NRAS: variants seen among roughly 807,000 people sequenced by gnomAD.
The protein encoded by NRAS is GTPase NRas.
NRAS carries 6 observed loss-of-function variants against 21.3 expected under a neutral mutation model. That is an observed-to-expected ratio of 0.28 (90% CI 0.15 to 0.56). The LOEUF (loss-of-function observed/expected upper bound fraction) is 0.56, where lower values mean the gene tolerates loss of function less well. Among genes scored for constraint, NRAS ranks in the 20% least tolerant of loss-of-function variants. The pLI is 0.93. For synonymous variants in NRAS, 84 were observed against 82.0 expected, an observed-to-expected ratio of 1.02 and a Z score of -0.13; for missense variants, 143 against 231.3, an observed-to-expected ratio of 0.62 and a Z score of 2.48.
In NRAS at chr1:114,704,939, C is replaced by T. The variant is rs1343095410; in HGVS notation, c.*3155G>A. The T allele has an allele frequency of 6.6e-6, 1 of 152,206 alleles. No individual in the cohort carries two copies. Among genetic ancestry groups the T allele is most frequent in the African/African-American group, 2.4e-5 (1 of 41,456 alleles). 9.4% of individuals were successfully genotyped at this position (152,206 alleles called of 1,614,324 possible). A position where few individuals can be genotyped will look rare whatever the true frequency, so the allele number is the denominator to read the frequency against. On this transcript the variant is annotated 3_prime_UTR_variant, in exon 7 of 7. Transcript: ENST00000369535. ...AAATAATGTACAAGAATTATAGTCC[C>T]TTGTTTATAGAAACCATCCAAATAA... is the stretch of plus-strand genomic sequence containing the variant.
intron 5 of NRAS, 53 bp downstream of exon 5, chr1:114,708,478 G>A: frequency 4.5e-6 from 7 of 1,553,518 alleles, no homozygotes; most frequent in Non-Finnish European, 6.2e-6. Flanking sequence ...CCTCCAAATT[G>A]CCCAATACTA....
At chr1:114,714,003 CAGGGAGGGAGGG>C in intron 2 of NRAS, 25 bp from the exon 3 acceptor site, 1 of 1,171,614 alleles carries the variant, frequency 8.5e-7, no homozygotes, top group Non-Finnish European at 1.2e-6. Flanking sequence ...GGTAAGGGGG[CAGGGAGGGAGGG>C]AAGTTCAATT....
At chr1:114,714,733 G>C (rs1483713465) in intron 2 of NRAS, among the ~76,000 whole-genome samples, 1 of 151,916 alleles carries the variant, frequency 6.6e-6, no homozygotes, top group Non-Finnish European at 1.5e-5. Context: ...AAAGCACTGG[G>C]CTGTAGACAT....
chr1:114,714,464 TTTTTATCATGACAGATGTACC>T (rs1238258786), intron 2 of NRAS, among the ~76,000 whole-genome samples: 2 of 152,248 alleles, frequency 1.3e-5, no homozygotes, highest in East Asian at 3.8e-4. Flanking sequence ...GAAGGTTTTT[TTTTTATCATGACAGATGTACC>T]TTTGGGAAAT....
At chr1:114,708,320 G>A (rs1394433480) in intron 5 of NRAS, 128 bp from the exon 6 acceptor site, 1 of 589,354 alleles carries the variant, frequency 1.7e-6, no homozygotes, top group Non-Finnish European at 3.0e-6. Context: ...AATTTCTAAT[G>A]TTACCAAAAA....
Position 114,704,648 on chromosome 1 carries a change from T to C in NRAS, c.*3446A>G, listed in dbSNP as rs1570866992. ...AATAGTTCCTGTTTAAACAGCAGAA[T>C]TGCACAATTATTTTTACCTATATTT... On this transcript the variant is annotated 3_prime_UTR_variant, in exon 7 of 7. Transcript: ENST00000369535. The C allele has an allele frequency of 1.3e-5, 2 of 152,298 alleles. No individual in the cohort carries two copies. The highest frequency in any genetic ancestry group is 1.9e-4 in the East Asian group (1 of 5,194). 9.4% of individuals were successfully genotyped at this position (152,298 alleles called of 1,614,324 possible). A position where few individuals can be genotyped will look rare whatever the true frequency, so the allele number is the denominator to read the frequency against.
At position 114,716,152 on chromosome 1, in the gene NRAS, C is replaced by T. The variant is rs559229605; in HGVS notation, c.9G>A (p.Glu3=). The change falls in exon 2 of 7, where the codon GAG becomes GAA. Residue 3 remains glutamate (E), a synonymous_variant. Transcript: ENST00000369535. MT[E]YKLVVVGAGG... ...CTGCTCCAACCACCACCAGTTTGTACTCAGTCATTTCACACCAGCAAGAAC... is the reference window on the plus strand; with the variant it reads ...CTGCTCCAACCACCACCAGTTTGTATTCAGTCATTTCACACCAGCAAGAAC... 2 of 1,612,088 alleles carry T rather than the reference C, an allele frequency of 1.2e-6. No individual in the cohort carries two copies. The highest frequency in any genetic ancestry group is 1.3e-5 in the African/African-American group (1 of 74,982).
intron 2 of NRAS, among the ~76,000 whole-genome samples, chr1:114,714,703 A>G (rs1318632129): frequency 3.3e-5 from 5 of 152,228 alleles, no homozygotes; most frequent in African/African-American, 1.2e-4. Flanking sequence ...TGGTAGCTAC[A>G]TGACTATATA....
In NRAS at chr1:114,708,654, C is replaced by A. The variant is rs2101737880; in HGVS notation, c.451G>T (p.Gly151Cys). 1 of 1,613,550 alleles carries A rather than the reference C, an allele frequency of 6.2e-7. No individual in the cohort carries two copies. ...FIETSAKTRQ[G>C]VEDAFYTLVR... is the part of the protein sequence containing the mutation. Reference sequence around the variant, plus strand: ...AGTGTGTAAAAAGCATCTTCAACACCCTATAAAAGGAAAAAATGAAAAAAA... The same window carrying A: ...AGTGTGTAAAAAGCATCTTCAACACACTATAAAAGGAAAAAATGAAAAAAA... Residue 151 changes from glycine (G) to cysteine (C), a missense_variant and splice_region_variant, in exon 5 of 7, where the codon GGT (glycine) becomes TGT (cysteine). Coordinates refer to ENST00000369535, the MANE Select transcript of NRAS (RefSeq NM_002524.5).
rs1337124518 is a variant in NRAS at position 114,706,596 on chromosome 1, T to C, written c.*1498A>G. On this transcript the variant is annotated 3_prime_UTR_variant, in exon 7 of 7. Coordinates refer to ENST00000369535, the MANE Select transcript of NRAS (RefSeq NM_002524.5). ...CTCAAATGAGAATATTGGCTTAATT[T>C]AGAGTTTCTACATGGCTAAAAGAAA... 2.0e-5 allele frequency: 3 copies of C among 152,222 alleles called. No homozygotes were observed. The highest frequency in any genetic ancestry group is 6.5e-5 in the Admixed American group (1 of 15,284). 9.4% of individuals were successfully genotyped at this position (152,222 alleles called of 1,614,324 possible).
intron 2 of NRAS, among the ~76,000 whole-genome samples, chr1:114,715,574 C>G (rs904983518): frequency 2.3e-4 from 35 of 152,132 alleles, no homozygotes; most frequent in African/African-American, 8.4e-4. Flanking sequence ...ACTAAATAAA[C>G]TGCAAACAGG....
At chr1:114,709,436 A>G (rs1658990781) in intron 4 of NRAS, 133 bp downstream of exon 4, 1 of 793,406 alleles carries the variant, frequency 1.3e-6, no homozygotes, top group Non-Finnish European at 2.0e-6. Flanking sequence ...CTCTGCCTAA[A>G]AAAAAATAAA....
chr1:114,716,207 G>A (rs2100995763), intron 1 of NRAS, 30 bp from the exon 2 acceptor site: 1 of 1,252,748 alleles, frequency 8.0e-7, no homozygotes, highest in South Asian at 1.2e-5. Flanking sequence ...AGGGTTAATT[G>A]GCGAGCCACA....
intron 2 of NRAS, among the ~76,000 whole-genome samples, chr1:114,715,565 C>T (rs1442692771): frequency 1.3e-5 from 2 of 152,166 alleles, no homozygotes; most frequent in Non-Finnish European, 2.9e-5. Context: ...TATCACACAA[C>T]TAAATAAACT....
chr1:114,714,797 ATATT>A (rs750269753), intron 2 of NRAS, among the ~76,000 whole-genome samples: 2 of 152,198 alleles, frequency 1.3e-5, no homozygotes, highest in African/African-American at 4.8e-5. Context: ...ACATTTAAAA[ATATT>A]TAATTAAAAT....
Position 114,714,080 on chromosome 1 carries a change from A to G in NRAS, c.112-102T>C, listed in dbSNP as rs961868637. The G allele has an allele frequency of 1.9e-5, 14 of 750,726 alleles. No individual in the cohort carries two copies. In the African/African-American group the frequency reaches 2.4e-4, roughly 13 times the overall value. The allele number at this position is 750,726 out of a possible 1,614,324, so 46.5% of individuals were successfully genotyped here. On this transcript the variant is annotated intron_variant, in intron 2 of 6. Transcript: ENST00000369535. ...TATTGCCAAGGTTAAATAAGCATCT[A>G]ACTATTCAAGCCCATTTCTGCCTAT...
chr1:114,716,522 C>G (rs1659174062), intron 1 of NRAS, 136 bp downstream of exon 1: 1 of 364,490 alleles, frequency 2.7e-6, no homozygotes, highest in Non-Finnish European at 5.3e-6. Flanking sequence ...GATCTCCCCA[C>G]GTAGGCACCA....
At position 114,705,980 on chromosome 1, in the gene NRAS, A is replaced by C. The variant is rs1410708733; in HGVS notation, c.*2114T>G. On this transcript the variant is annotated 3_prime_UTR_variant, in exon 7 of 7. Coordinates refer to ENST00000369535, the MANE Select transcript of NRAS (RefSeq NM_002524.5). ...AATTTAATAGATTTTTAAGAAAAAG[A>C]ATCACTGCCAGTCACAGACATTTAA... 2 of 152,258 alleles carry C rather than the reference A, an allele frequency of 1.3e-5. No homozygotes were observed. Among genetic ancestry groups the C allele is most frequent in the Non-Finnish European group, 2.9e-5 (2 of 68,044 alleles). The allele number at this position is 152,258 out of a possible 1,614,324, so 9.4% of individuals were successfully genotyped here.
At chr1:114,709,465 G>GA (rs869069547) in intron 4 of NRAS, 104 bp downstream of exon 4, 8 of 978,920 alleles carry the variant, frequency 8.2e-6, no homozygotes, top group South Asian at 6.0e-5. Flanking sequence ...AAATAAAAAT[G>GA]AAAAAAATGC....
Sources: allele counts gnomAD v4.1 joint callset (sites outside exome capture counted in the v4.1 genomes callset), GRCh38; gene constraint gnomAD v4.1.1; transcripts MANE v1.5; gene names NCBI Gene and HGNC (gene_info 2026-07-23, HGNC 2026-07-21).